The following RYR2 variants were observed in gnomAD, a reference collection of about 807,000 sequenced individuals.
RYR2 encodes ryanodine receptor 2.
Under a neutral mutation model 601.1 loss-of-function variants are expected in RYR2, and 227 were observed. The ratio of observed to expected loss-of-function variants is 0.38; its 90% CI spans 0.34 to 0.42. The LOEUF is 0.42. Among genes scored for constraint, RYR2 ranks in the 10% least tolerant of loss-of-function variants. The pLI is 1.00. For synonymous variants in RYR2, 2,223 were observed against 2,175.1 expected (o/e 1.02, Z -0.61); for missense variants, 4,646 against 6,156.5 (o/e 0.75, Z 8.21).
At chr1:237,083,086 C>G (rs1002332818) in intron 1 of RYR2, among the ~76,000 whole-genome samples, 22 of 152,158 alleles carry the variant, frequency 1.4e-4, no homozygotes, top group African/African-American at 5.1e-4. Context: ...CCACTGTTGC[C>G]ACAAGTCCCC....
chr1:237,803,963 T>C (rs896045400), intron 98 of RYR2, among the ~76,000 whole-genome samples: 1 of 152,122 alleles, frequency 6.6e-6, no homozygotes, highest in Non-Finnish European at 1.5e-5. Context: ...TTTTAGACAA[T>C]AGCTTAACTA....
At chr1:237,767,969 C>T (rs1025144177) in intron 84 of RYR2, among the ~76,000 whole-genome samples, 4 of 152,162 alleles carry the variant, frequency 2.6e-5, no homozygotes, top group Admixed American at 1.3e-4. Context: ...TTTACCTGTG[C>T]ATTATTGTAG....
rs373024059 is a variant in RYR2 at position 237,595,506 on chromosome 1, G to A, written c.4445G>A (p.Arg1482His). Residue 1482 changes from arginine to histidine, a missense_variant, in exon 34 of 105, where the codon CGC (arginine) becomes CAC (histidine). Physicochemically the swap from Arg to His is conservative, Grantham distance 29. Coordinates refer to ENST00000366574, the MANE Select transcript of RYR2 (RefSeq NM_001035.3). Reference sequence around the variant, plus strand: ...GTTCTTTTGAAATTCAGCATCAAACGCAGCAACTGCTATATGGTATGTGCG... The same window carrying A: ...GTTCTTTTGAAATTCAGCATCAAACACAGCAACTGCTATATGGTATGTGCG... ...EKGKVHESIK[R>H]SNCYMVCAGE... 2.0e-4 allele frequency: 316 copies of A among 1,606,036 alleles called. No homozygotes were observed. The highest frequency in any genetic ancestry group is 1.7e-4 in the Middle Eastern group (1 of 6,046).
At chr1:237,148,527 A>AAATAT (rs1553316812) in intron 1 of RYR2, among the ~76,000 whole-genome samples, 1 of 83,916 alleles carries the variant, frequency 1.2e-5, no homozygotes, top group Admixed American at 1.4e-4. Flanking sequence ...AAAAAAAAAA[A>AAATAT]ATATATATAT....
At chr1:237,307,448 T>C (rs1379634967) in intron 2 of RYR2, among the ~76,000 whole-genome samples, 1 of 152,248 alleles carries the variant, frequency 6.6e-6, no homozygotes, top group Non-Finnish European at 1.5e-5. Context: ...TAGTATGAGA[T>C]AGTCACATTA....
At chr1:237,123,290 A>G (rs116222596) in intron 1 of RYR2, among the ~76,000 whole-genome samples, 1,605 of 152,270 alleles carry the variant, frequency 0.011, 17 homozygotes, top group South Asian at 0.033. Context: ...ATTTTTATTT[A>G]AAAATACTGA....
At chr1:237,471,898 A>G (rs1048566002) in intron 17 of RYR2, among the ~76,000 whole-genome samples, 1 of 152,254 alleles carries the variant, frequency 6.6e-6, no homozygotes, top group African/African-American at 2.4e-5. Context: ...CTTACTTTAG[A>G]GGAAAAGAAA....
rs140873036 is a variant in RYR2 at position 237,289,484 on chromosome 1, G to A, written c.168+18868G>A. Among the ~76,000 whole-genome samples, 523 of 152,284 alleles carry A rather than the reference G, an allele frequency of 3.4e-3. 2 individuals are homozygous for A. Among genetic ancestry groups the A allele is most frequent in the South Asian group, 0.013 (62 of 4,824 alleles). The stretch of plus-strand genomic sequence containing the variant: ...TCATAGCAGAAGGGGACGCAAACAC[G>A]TCCTTCTTCACATGATGGCAGCAAG... On this transcript the variant is annotated intron_variant, in intron 2 of 104. Transcript: ENST00000366574.
At chr1:237,247,595 A>G (rs550513602) in intron 1 of RYR2, among the ~76,000 whole-genome samples, 1 of 152,274 alleles carries the variant, frequency 6.6e-6, no homozygotes, top group South Asian at 2.1e-4. Context: ...GGCTCAGATG[A>G]CAGGTTAATA....
At chr1:237,449,758 G>T (rs1392939413) in intron 14 of RYR2, among the ~76,000 whole-genome samples, 1 of 149,354 alleles carries the variant, frequency 6.7e-6, no homozygotes, top group East Asian at 2.0e-4. Context: ...AGATTGACAA[G>T]TTTTTTTTTT....
At chr1:237,334,309 T>G (rs1410398959) in intron 3 of RYR2, among the ~76,000 whole-genome samples, 2 of 152,052 alleles carry the variant, frequency 1.3e-5, no homozygotes, top group East Asian at 3.8e-4. Flanking sequence ...TATTACCTAA[T>G]GTATGAAGTT....
At chr1:237,282,342 G>A (rs1170111091) in intron 2 of RYR2, among the ~76,000 whole-genome samples, 1 of 151,964 alleles carries the variant, frequency 6.6e-6, no homozygotes, top group Non-Finnish European at 1.5e-5. Flanking sequence ...CTGTACTTAC[G>A]GGCACTGAAA....
chr1:237,058,696 T>C (rs1662470822), intron 1 of RYR2, among the ~76,000 whole-genome samples: 1 of 151,824 alleles, frequency 6.6e-6, no homozygotes, highest in African/African-American at 2.4e-5. Flanking sequence ...CGGGCCGGAT[T>C]ACTTGAGCCC....
chr1:237,740,902 G>A (rs1201564742), intron 79 of RYR2, among the ~76,000 whole-genome samples: 2 of 152,208 alleles, frequency 1.3e-5, no homozygotes, highest in African/African-American at 4.8e-5. Flanking sequence ...TATTGATGGA[G>A]GACTGCAGAT....
At chr1:237,105,360 A>G (rs752340153) in intron 1 of RYR2, among the ~76,000 whole-genome samples, 20 of 152,158 alleles carry the variant, frequency 1.3e-4, no homozygotes, top group Non-Finnish European at 2.8e-4. Context: ...ATGAGAGTAG[A>G]ACAGGATAAG....
chr1:237,309,675 C>A (rs570429669), intron 2 of RYR2, among the ~76,000 whole-genome samples: 11 of 152,252 alleles, frequency 7.2e-5, no homozygotes, highest in African/African-American at 2.4e-4. Context: ...CGCCATGGAG[C>A]AGGGGGCGGC....
intron 66 of RYR2, among the ~76,000 whole-genome samples, chr1:237,702,703 T>G (rs2149040944): frequency 6.6e-6 from 1 of 152,202 alleles, no homozygotes; most frequent in South Asian, 2.1e-4. Flanking sequence ...AATTTGCTTT[T>G]TCCAACTTCA....
intron 1 of RYR2, among the ~76,000 whole-genome samples, chr1:237,185,395 TA>T: frequency 6.6e-6 from 1 of 152,310 alleles, no homozygotes; most frequent in Admixed American, 6.5e-5. Context: ...TATTTTTCAA[TA>T]TTGGCTTTAG....
chr1:237,690,027 G>A (rs1049471048), intron 63 of RYR2, among the ~76,000 whole-genome samples: 2 of 151,976 alleles, frequency 1.3e-5, no homozygotes, highest in African/African-American at 4.8e-5. Flanking sequence ...AGTAGAAACG[G>A]GGTTTCACCA....
Sources: allele counts gnomAD v4.1 joint callset (sites outside exome capture counted in the v4.1 genomes callset), GRCh38; gene constraint gnomAD v4.1.1; transcripts MANE v1.5; gene names NCBI Gene and HGNC (gene_info 2026-07-23, HGNC 2026-07-21).